Variants in SLC6A17 observed in about 807,000 individuals in gnomAD.
SLC6A17 encodes the protein sodium-dependent neutral amino acid transporter SLC6A17.
SLC6A17 carries 21 observed loss-of-function variants against 64.5 expected under a neutral mutation model. The observed-to-expected ratio is 0.33, with a 90% CI of 0.23 to 0.47. The LOEUF is 0.47. Among genes scored for constraint, SLC6A17 ranks in the 20% least tolerant of loss-of-function variants. SLC6A17 has a pLI of 1.00. For missense variants in SLC6A17, 682 were observed against 963.2 expected (o/e 0.71, Z 3.86); for synonymous variants, 372 against 399.5 (o/e 0.93, Z 0.82).
intron 6 of SLC6A17, among the ~76,000 whole-genome samples, chr1:110,188,009 A>C (rs1174546947): frequency 6.6e-6 from 1 of 152,230 alleles, no homozygotes; most frequent in Non-Finnish European, 1.5e-5. Flanking sequence ...GATCCTCCAG[A>C]ACTCACTTGG....
intron 1 of SLC6A17, among the ~76,000 whole-genome samples, chr1:110,165,199 C>G (rs2101841946): frequency 6.6e-6 from 1 of 152,290 alleles, no homozygotes; most frequent in South Asian, 2.1e-4. Context: ...GGACACAGGC[C>G]TCTCCGTTGC....
chr1:110,179,048 A>G (rs907835701), intron 6 of SLC6A17, among the ~76,000 whole-genome samples: 2 of 152,206 alleles, frequency 1.3e-5, no homozygotes, highest in Non-Finnish European at 2.9e-5. Flanking sequence ...GTATTCTGCA[A>G]CTTGCTTTTA....
chr1:110,154,932 T>C (rs1018584565), intron 1 of SLC6A17, among the ~76,000 whole-genome samples: 4 of 152,162 alleles, frequency 2.6e-5, no homozygotes, highest in African/African-American at 4.8e-5. Context: ...CTTCCTGGTC[T>C]TTTCCCACAG....
chr1:110,195,518 C>T (rs750028292), intron 9 of SLC6A17, 68 bp from the exon 10 acceptor site: 30 of 1,576,952 alleles, frequency 1.9e-5, no homozygotes, highest in Non-Finnish European at 2.6e-5. Context: ...CCTGGGTGCC[C>T]CCGAGACCCC....
chr1:110,173,846 C>A (rs1293974446), intron 3 of SLC6A17, 127 bp from the exon 4 acceptor site: 1 of 1,405,956 alleles, frequency 7.1e-7, no homozygotes, highest in African/African-American at 1.5e-5. Flanking sequence ...CCCTATCCCT[C>A]CTTGCCTCTC....
intron 3 of SLC6A17, 71 bp from the exon 4 acceptor site, chr1:110,173,900 GCC>G: frequency 1.9e-6 from 3 of 1,544,030 alleles, no homozygotes; most frequent in Admixed American, 1.9e-5. Context: ...GACGTGCTGG[GCC>G]TCGGGTGGAG....
chr1:110,183,031 G>T (rs2100938350), intron 6 of SLC6A17, among the ~76,000 whole-genome samples: 1 of 152,292 alleles, frequency 6.6e-6, no homozygotes, highest in South Asian at 2.1e-4. Flanking sequence ...GTGGGAATGT[G>T]AAATGGTATA....
intron 1 of SLC6A17, among the ~76,000 whole-genome samples, chr1:110,158,118 C>A (rs2101837771): frequency 6.6e-6 from 1 of 152,190 alleles, no homozygotes; most frequent in South Asian, 2.1e-4. Context: ...AGAAATAAAT[C>A]CAATGGAGCA....
rs1298998885 is a variant in SLC6A17 at position 110,202,062 on chromosome 1, C to T, written c.*3618C>T. 1 of 152,234 alleles carries T rather than the reference C, an allele frequency of 6.6e-6. No homozygotes were observed. 9.4% of individuals were successfully genotyped at this position (152,234 alleles called of 1,614,324 possible). A position where few individuals can be genotyped will look rare whatever the true frequency, so the allele number is the denominator to read the frequency against. On this transcript the variant is annotated 3_prime_UTR_variant, in exon 12 of 12. Coordinates refer to ENST00000331565, the MANE Select transcript of SLC6A17 (RefSeq NM_001010898.4). ...GTTCTGGCATAAGTTCAGAACAATTCAAGTCCATGTGTCCCATGGCTGGTC... is the reference window on the plus strand; with the variant it reads ...GTTCTGGCATAAGTTCAGAACAATTTAAGTCCATGTGTCCCATGGCTGGTC...
At chr1:110,162,052 C>A (rs1250602658) in intron 1 of SLC6A17, among the ~76,000 whole-genome samples, 1 of 152,268 alleles carries the variant, frequency 6.6e-6, no homozygotes, top group African/African-American at 2.4e-5. Context: ...GACAAGCTGG[C>A]ACCAAGGGCC....
At chr1:110,159,167 C>T (rs1312352826) in intron 1 of SLC6A17, among the ~76,000 whole-genome samples, 1 of 152,122 alleles carries the variant, frequency 6.6e-6, no homozygotes, top group Non-Finnish European at 1.5e-5. Flanking sequence ...GGCCTATGTG[C>T]TGTGTTGTCA....
At chr1:110,179,553 CCCCTT>C (rs1297246682) in intron 6 of SLC6A17, among the ~76,000 whole-genome samples, 5 of 127,202 alleles carry the variant, frequency 3.9e-5, no homozygotes, top group African/African-American at 1.7e-4. Flanking sequence ...CCCCTCCCCT[CCCCTT>C]CCTTTCTTTT....
Position 110,198,236 on chromosome 1 carries a change from G to A in SLC6A17, c.1976G>A (p.Arg659His), listed in dbSNP as rs368756338. 1.2e-4 allele frequency: 193 copies of A among 1,614,044 alleles called. No individual in the cohort carries two copies. The highest frequency in any genetic ancestry group is 1.2e-3 in the Admixed American group (70 of 60,002). The change falls in exon 12 of 12, where the codon CGC becomes CAC. Residue 659 changes from arginine (R) to histidine (H), a missense_variant. By Grantham distance (29) the Arg-to-His change is conservative. Around this residue, in one of 3 missense-constraint regions of SLC6A17, gnomAD observed 264 missense variants for 339.5 expected, o/e 0.78. Transcript: ENST00000331565. ...CTCTCCGTGTCCTACAAGAAGGGCCGCATGATGAAGGACATCTCCAACCTG... is the reference window on the plus strand; with the variant it reads ...CTCTCCGTGTCCTACAAGAAGGGCCACATGATGAAGGACATCTCCAACCTG... ...NTLSVSYKKGRMMKDISNLEE... is the reference protein window; with the variant it reads ...NTLSVSYKKGHMMKDISNLEE...
intron 6 of SLC6A17, among the ~76,000 whole-genome samples, chr1:110,187,119 T>TAAAAA (rs71580524): frequency 1.2e-5 from 1 of 83,202 alleles, no homozygotes; most frequent in East Asian, 4.0e-4. Flanking sequence ...TTCATCTTGT[T>TAAAAA]AAAAAAAAAC....
chr1:110,195,685 CACTCACTCTCATCG>C lies in SLC6A17; in HGVS notation c.1593_1606del (p.Leu532HisfsTer3). On this transcript the variant is annotated frameshift_variant, in exon 10 of 12. Transcript: ENST00000331565. LOFTEE classifies it high-confidence loss of function. ...TTCGATGACTACTCGGCCACCCTGC[CACTCACTCTCATCG>C]TCATCCTTGAGAACATCGCTGTGGC... The C allele has an allele frequency of 6.2e-7, 1 of 1,614,254 alleles. No individual in the cohort carries two copies. Among genetic ancestry groups the C allele is most frequent in the Non-Finnish European group, 8.5e-7 (1 of 1,180,048 alleles).
chr1:110,178,106 A>G (rs535656902), intron 6 of SLC6A17: 1 of 152,384 alleles, frequency 6.6e-6, no homozygotes, highest in South Asian at 2.1e-4. Flanking sequence ...GAAAATAGCC[A>G]TGAAAAGAAA....
chr1:110,166,748 G>A, intron 1 of SLC6A17, 95 bp from the exon 2 acceptor site: 3 of 702,928 alleles, frequency 4.3e-6, no homozygotes, highest in Non-Finnish European at 6.7e-6. Flanking sequence ...CTGCCTCACA[G>A]TGTGATGGGG....
Position 110,167,129 on chromosome 1 carries a change from T to C in SLC6A17, c.200T>C (p.Leu67Pro). 6.2e-7 allele frequency: 1 copy of C among 1,613,438 alleles called. No homozygotes were observed. The highest frequency in any genetic ancestry group is 1.1e-5 in the South Asian group (1 of 90,998). The stretch of plus-strand genomic sequence containing the variant: ...GACCGGCCGGCCTGGAACAGTAAGC[T>C]GCAGTACATCCTGGCCCAGATTGGC... The part of the protein sequence containing the change: ...AEDRPAWNSK[L>P]QYILAQIGFS... The change falls in exon 2 of 12, where the codon CTG (leucine) becomes CCG (proline). Residue 67 changes from leucine (L) to proline (P), a missense_variant. By Grantham distance (98) the Leu-to-Pro change is moderately conservative. Transcript: ENST00000331565.
intron 4 of SLC6A17, 72 bp downstream of exon 4, chr1:110,174,171 A>T (rs1656312893): frequency 6.4e-7 from 1 of 1,564,074 alleles, no homozygotes; most frequent in Non-Finnish European, 8.6e-7. Flanking sequence ...CTTAGCGCAC[A>T]CATTTGGAAT....
Sources: allele counts gnomAD v4.1 joint callset (sites outside exome capture counted in the v4.1 genomes callset), GRCh38; gene constraint gnomAD v4.1.1; regional missense constraint gnomAD v4.1.1; transcripts MANE v1.5; gene names NCBI Gene and HGNC (gene_info 2026-07-23, HGNC 2026-07-21).